Variants in PCDH9 observed in about 807,000 individuals in gnomAD.
The protein encoded by PCDH9 is protocadherin 9, also known as protocadherin-9.
A neutral mutation model predicts 70.6 loss-of-function variants in PCDH9; 24 were observed. That is an observed-to-expected ratio of 0.34 (90% CI 0.25 to 0.48). The LOEUF (loss-of-function observed/expected upper bound fraction) is 0.48. Ranked by LOEUF, PCDH9 falls within the 20% of genes least tolerant of loss-of-function variation. PCDH9 has a pLI of 0.99. For synonymous variants in PCDH9, 562 were observed against 558.5 expected (o/e 1.01, Z -0.09); for missense variants, 1,281 against 1,503.6 (o/e 0.85, Z 2.45).
At chr13:66,427,612 T>C (rs1314036569) in intron 4 of PCDH9, among the ~76,000 whole-genome samples, 2 of 151,804 alleles carry the variant, frequency 1.3e-5, no homozygotes, top group Non-Finnish European at 3.0e-5. Flanking sequence ...ACAGAATGGC[T>C]TCCTTTCTTC....
intron 2 of PCDH9, among the ~76,000 whole-genome samples, chr13:66,965,155 C>T (rs773202442): frequency 2.6e-5 from 4 of 152,100 alleles, no homozygotes; most frequent in South Asian, 2.1e-4. Context: ...CTCCAGCTTA[C>T]CCATTATTGG....
chr13:66,900,706 T>C (rs1264318985), intron 3 of PCDH9, among the ~76,000 whole-genome samples: 1 of 151,794 alleles, frequency 6.6e-6, no homozygotes, highest in Non-Finnish European at 1.5e-5. Flanking sequence ...TGTCATAATA[T>C]AAATTTAAGA....
At chr13:67,116,300 T>G (rs184579515) in intron 2 of PCDH9, among the ~76,000 whole-genome samples, 4 of 152,240 alleles carry the variant, frequency 2.6e-5, no homozygotes, top group African/African-American at 7.2e-5. Context: ...TTCCTATAAA[T>G]TACTTCAAAT....
chr13:66,729,671 C>G (rs780527918), intron 3 of PCDH9, among the ~76,000 whole-genome samples: 24 of 152,140 alleles, frequency 1.6e-4, no homozygotes, highest in Admixed American at 5.2e-4. Context: ...GCTTACATTG[C>G]TATTGTTGCT....
intron 2 of PCDH9, among the ~76,000 whole-genome samples, chr13:67,001,127 T>A (rs1230904678): frequency 6.6e-6 from 1 of 152,192 alleles, no homozygotes; most frequent in Non-Finnish European, 1.5e-5. Flanking sequence ...AGTAAGTGTG[T>A]CTGATTCAAA....
At chr13:66,712,053 T>C (rs1308738016) in intron 3 of PCDH9, among the ~76,000 whole-genome samples, 2 of 152,200 alleles carry the variant, frequency 1.3e-5, no homozygotes, top group Non-Finnish European at 2.9e-5. Context: ...CTGCTAAAGC[T>C]CTTACTTGTG....
intron 2 of PCDH9, 151 bp from the exon 3 acceptor site, chr13:66,903,756 T>C: frequency 2.5e-6 from 1 of 402,030 alleles, no homozygotes; most frequent in Non-Finnish European, 4.5e-6. Flanking sequence ...AGATTGAGTC[T>C]TTACCATAAA....
chr13:67,043,969 A>T (rs945215017), intron 2 of PCDH9, among the ~76,000 whole-genome samples: 1 of 152,080 alleles, frequency 6.6e-6, no homozygotes, highest in Admixed American at 6.6e-5. Context: ...ATTGCAGACC[A>T]CTCTTTGAAC....
At chr13:66,897,656 A>G (rs1483929430) in intron 3 of PCDH9, among the ~76,000 whole-genome samples, 1 of 152,146 alleles carries the variant, frequency 6.6e-6, no homozygotes, top group Non-Finnish European at 1.5e-5. Context: ...GGCATTAGAC[A>G]TGAGTGTATG....
At chr13:66,649,864 C>A (rs1246818741) in intron 3 of PCDH9, among the ~76,000 whole-genome samples, 2 of 151,720 alleles carry the variant, frequency 1.3e-5, no homozygotes, top group Non-Finnish European at 2.9e-5. Context: ...CTTCTTCACT[C>A]ACTTGTTTGT....
intron 4 of PCDH9, among the ~76,000 whole-genome samples, chr13:66,588,228 C>G (rs1207833210): frequency 6.6e-6 from 1 of 151,964 alleles, no homozygotes; most frequent in African/African-American, 2.4e-5. Flanking sequence ...CCTGATGGTG[C>G]TTAACATTTA....
chr13:66,744,717 G>A (rs1436271609), intron 3 of PCDH9, among the ~76,000 whole-genome samples: 1 of 152,012 alleles, frequency 6.6e-6, no homozygotes, highest in Non-Finnish European at 1.5e-5. Context: ...AAATGAATAT[G>A]TTATTCTTTC....
At chr13:66,483,927 T>C (rs1041654277) in intron 4 of PCDH9, among the ~76,000 whole-genome samples, 5 of 152,152 alleles carry the variant, frequency 3.3e-5, no homozygotes, top group African/African-American at 1.2e-4. Flanking sequence ...CAAGGTGTTG[T>C]ATGGCAATCG....
intron 2 of PCDH9, among the ~76,000 whole-genome samples, chr13:67,163,841 T>A (rs2088030177): frequency 6.6e-6 from 1 of 152,184 alleles, no homozygotes; most frequent in Admixed American, 6.5e-5. Flanking sequence ...ATAAATGTAA[T>A]CCAGATTCTT....
At chr13:66,339,625 G>GT (rs559430909) in intron 4 of PCDH9, among the ~76,000 whole-genome samples, 25 of 152,108 alleles carry the variant, frequency 1.6e-4, no homozygotes, top group Admixed American at 6.6e-4. Context: ...CCATGATTAT[G>GT]TTTTTTTGCA....
intron 2 of PCDH9, among the ~76,000 whole-genome samples, chr13:66,939,317 G>C (rs2082968849): frequency 6.6e-6 from 1 of 152,156 alleles, no homozygotes; most frequent in Admixed American, 6.6e-5. Context: ...TTTCTGAACT[G>C]TGTATGTGTT....
rs1347281747 is a variant in PCDH9 at position 66,307,423 on chromosome 13, C to T, written c.3341-2395G>A. ...GACCTAAAGTAATTATAATAGAAGA[C>T]GCTGATTTCACAAATCTTACACCAA... On this transcript the variant is annotated intron_variant, in intron 4 of 4. Transcript: ENST00000377865. Among the ~76,000 whole-genome samples the T allele has an allele frequency of 4.6e-5, 7 of 152,150 alleles. No homozygotes were observed. The East Asian group carries it at 9.7e-4, about 21-fold the overall frequency.
At chr13:67,009,447 T>C (rs1262129257) in intron 2 of PCDH9, among the ~76,000 whole-genome samples, 2 of 152,114 alleles carry the variant, frequency 1.3e-5, no homozygotes, top group Non-Finnish European at 1.5e-5. Flanking sequence ...GTCCTTATAA[T>C]TTGTATTCTT....
chr13:66,459,360 C>T (rs1321383751), intron 4 of PCDH9, among the ~76,000 whole-genome samples: 1 of 151,972 alleles, frequency 6.6e-6, no homozygotes, highest in Non-Finnish European at 1.5e-5. Context: ...GCATTTATAA[C>T]ATTGGGTAAG....
Sources: allele counts gnomAD v4.1 joint callset (sites outside exome capture counted in the v4.1 genomes callset), GRCh38; gene constraint gnomAD v4.1.1; transcripts MANE v1.5; gene names NCBI Gene and HGNC (gene_info 2026-07-23, HGNC 2026-07-21).